The following PHF24 variants were observed in gnomAD, a reference collection of about 807,000 sequenced individuals.
PHF24 encodes the protein Galpha inhibitory interacting protein.
Under a neutral mutation model 42.6 loss-of-function variants are expected in PHF24, and 25 were observed. The observed-to-expected ratio is 0.59, with a 90% CI of 0.43 to 0.82. The LOEUF is 0.82. Among genes scored for constraint, PHF24 ranks in the 40% least tolerant of loss-of-function variants. The pLI, the probability that PHF24 is intolerant of heterozygous loss-of-function variation, is 0.00. For missense variants in PHF24, 470 were observed against 538.1 expected (o/e 0.87, Z 1.25); for synonymous variants, 185 against 204.8 (o/e 0.90, Z 0.83).
At chr9:34,966,585 C>CG (rs1048380720) in intron 1 of PHF24, among the ~76,000 whole-genome samples, 31 of 152,066 alleles carry the variant, frequency 2.0e-4, no homozygotes, top group African/African-American at 5.5e-4. Context: ...GCGAGACCCC[C>CG]CCCCTCGCCC....
chr9:34,729,591 T>G, the PHF24 span: 1 of 664,346 alleles, frequency 1.5e-6, no homozygotes, highest in African/African-American at 1.8e-5. Context: ...ATAAGGTACA[T>G]GTAGTAGGGA....
Position 34,972,703 on chromosome 9 carries a change from C to T in PHF24, c.564+172C>T, listed in dbSNP as rs936321565. Among the ~76,000 whole-genome samples, 4 of 152,234 alleles carry T rather than the reference C, an allele frequency of 2.6e-5. No homozygotes were observed. In the East Asian group the frequency reaches 5.8e-4, roughly 22 times the overall value. ...GGCCAGTGCCGGAAGATCACGAGGT[C>T]AAGAGATTGAGACCATCCTGGCCAA... is the stretch of plus-strand genomic sequence containing the variant. On this transcript the variant is annotated intron_variant, in intron 3 of 7. Transcript: ENST00000242315.
chr9:34,759,411 C>T, the PHF24 span, among the ~76,000 whole-genome samples: 9 of 152,164 alleles, frequency 5.9e-5, no homozygotes, highest in African/African-American at 1.9e-4. Flanking sequence ...CAACCTCATG[C>T]GGCCCTGCAT....
At chr9:34,943,009 AG>A in the PHF24 span, among the ~76,000 whole-genome samples, 79 of 152,222 alleles carry the variant, frequency 5.2e-4, no homozygotes, top group African/African-American at 1.5e-3. Flanking sequence ...TAATAAAAAA[AG>A]AAAGAAAAGA....
chr9:34,971,872 A>G (rs1050758715), intron 2 of PHF24, among the ~76,000 whole-genome samples, 196 bp downstream of exon 2: 5 of 152,138 alleles, frequency 3.3e-5, no homozygotes, highest in African/African-American at 9.7e-5. Context: ...GGGGCAATGG[A>G]TGATAAAGAA....
the PHF24 span, chr9:34,834,350 C>G: frequency 6.4e-7 from 1 of 1,551,424 alleles, no homozygotes; most frequent in Non-Finnish European, 8.7e-7. Context: ...CAGCACATCG[C>G]AAGCCCCGTT....
the PHF24 span, among the ~76,000 whole-genome samples, chr9:34,677,389 G>GTTTTTTTTTTTTTTTTTTTT: frequency 5.9e-4 from 47 of 79,774 alleles, 3 homozygotes; most frequent in African/African-American, 9.7e-4. Flanking sequence ...TTTGTAAACT[G>GTTTTTTTTTTTTTTTTTTTT]TTTTTTTTTT....
chr9:34,962,750 G>A (rs952846190), intron 1 of PHF24, among the ~76,000 whole-genome samples: 5 of 152,220 alleles, frequency 3.3e-5, no homozygotes, highest in African/African-American at 9.7e-5. Flanking sequence ...CTGATGGTGT[G>A]ATGTTCCTTA....
the PHF24 span, among the ~76,000 whole-genome samples, chr9:34,875,751 G>T: frequency 6.6e-6 from 1 of 152,084 alleles, no homozygotes; most frequent in Non-Finnish European, 1.5e-5. Context: ...CAGGTGTGTC[G>T]GTTCCTCTCA....
chr9:34,743,554 G>C, the PHF24 span, among the ~76,000 whole-genome samples: 1 of 152,098 alleles, frequency 6.6e-6, no homozygotes, highest in South Asian at 2.1e-4. Flanking sequence ...TTTTAACTAC[G>C]TGGGATTTTG....
At chr9:34,821,642 G>T in the PHF24 span, among the ~76,000 whole-genome samples, 1 of 152,190 alleles carries the variant, frequency 6.6e-6, no homozygotes, top group Admixed American at 6.5e-5. Flanking sequence ...AAGTGCCTGT[G>T]TGTAGCTTCC....
the PHF24 span, among the ~76,000 whole-genome samples, chr9:34,910,380 A>G: frequency 7.9e-5 from 12 of 152,210 alleles, no homozygotes; most frequent in Non-Finnish European, 1.2e-4. Context: ...ATACTCTAGG[A>G]ATAACTAGTC....
At chr9:34,796,818 T>C in the PHF24 span, among the ~76,000 whole-genome samples, 1 of 152,230 alleles carries the variant, frequency 6.6e-6, no homozygotes, top group East Asian at 1.9e-4. Flanking sequence ...CCTAGGTATT[T>C]ATACCAGAGA....
intron 1 of PHF24, among the ~76,000 whole-genome samples, chr9:34,960,241 C>G (rs1826541995): frequency 6.6e-6 from 1 of 152,224 alleles, no homozygotes; most frequent in African/African-American, 2.4e-5. Context: ...TGCTCCCCTT[C>G]CCTGCTTTCT....
chr9:34,676,584 G>A, the PHF24 span, among the ~76,000 whole-genome samples: 1 of 152,176 alleles, frequency 6.6e-6, no homozygotes, highest in Non-Finnish European at 1.5e-5. Flanking sequence ...CTGCCTATTT[G>A]GGATTTCCTT....
the PHF24 span, among the ~76,000 whole-genome samples, chr9:34,676,225 T>G: frequency 2.6e-4 from 39 of 152,140 alleles, no homozygotes; most frequent in Admixed American, 5.9e-4. Flanking sequence ...CCAGAGACAT[T>G]AAAGAGGTAG....
chr9:34,864,593 A>G, the PHF24 span, among the ~76,000 whole-genome samples: 2 of 152,200 alleles, frequency 1.3e-5, no homozygotes, highest in African/African-American at 2.4e-5. Context: ...TCCCAGACAA[A>G]TAAAAGCTGA....
the PHF24 span, among the ~76,000 whole-genome samples, chr9:34,786,277 T>C: frequency 6.6e-6 from 1 of 152,206 alleles, no homozygotes; most frequent in Non-Finnish European, 1.5e-5. Flanking sequence ...ATTAAATTAA[T>C]TATCAAGTAC....
the PHF24 span, among the ~76,000 whole-genome samples, chr9:34,841,142 G>A: frequency 3.9e-5 from 6 of 152,198 alleles, no homozygotes; most frequent in South Asian, 1.2e-3. Context: ...TGGGACTACA[G>A]GCGCCCGCCA....
Sources: gnomAD v4.1 joint callset for allele counts (sites outside exome capture counted in the v4.1 genomes callset) on GRCh38, gnomAD v4.1.1 for gene constraint, MANE v1.5 for transcripts, NCBI Gene and HGNC (gene_info 2026-07-23, HGNC 2026-07-21) for gene names.